The following CHID1 variants were observed in gnomAD, a reference collection of about 807,000 sequenced individuals.
The protein encoded by CHID1 is chitinase domain-containing protein 1.
CHID1 carries 44 observed loss-of-function variants against 55.4 expected under a neutral mutation model. The observed-to-expected ratio is 0.79, with a 90% confidence interval of 0.62 to 1.02. The LOEUF (loss-of-function observed/expected upper bound fraction) is 1.02. Ranked by LOEUF, CHID1 falls within the 50% of genes least tolerant of loss-of-function variation. The pLI, the probability that CHID1 is intolerant of heterozygous loss-of-function variation, is 0.00. For missense variants in CHID1, 491 were observed against 515.3 expected (o/e 0.95, Z 0.46); for synonymous variants, 216 against 212.9 (o/e 1.01, Z -0.13).
chr11:868,518 G>C lies in CHID1; in HGVS notation c.*1340C>G, dbSNP rs950848969. 1.6e-4 allele frequency: 25 copies of C among 152,142 alleles called. No homozygotes were observed. Among genetic ancestry groups the C allele is most frequent in the African/African-American group, 6.0e-4 (25 of 41,412 alleles). 9.4% of individuals were successfully genotyped at this position (152,142 alleles called of 1,614,324 possible). On this transcript the variant is annotated 3_prime_UTR_variant, in exon 13 of 13. Coordinates refer to ENST00000323578, the MANE Select transcript of CHID1 (RefSeq NM_023947.4). ...GCATGAACCGCCGCACACACCACTT[G>C]TATCTCCTATGCCCGTGTCAAGCAG...
rs1057234424 is a variant in CHID1 at position 902,214 on chromosome 11, G to A, written c.378C>T (p.Leu126=). Residue 126 remains leucine (L), a synonymous_variant, in exon 4 of 13, where the codon CTC becomes CTT. Coordinates refer to ENST00000323578, the MANE Select transcript of CHID1 (RefSeq NM_023947.4). ...GATGAGAACCTTGGTCCACGTCGTG[G>A]AGGCCCGTGACCTCAAACATCTCAC... ...RGREMFEVTG[L]HDVDQGWMRA... 1 of 1,613,788 alleles carries A rather than the reference G, an allele frequency of 6.2e-7. No homozygotes were observed. The highest frequency in any genetic ancestry group is 1.3e-5 in the African/African-American group (1 of 74,892).
In CHID1 at chr11:904,706, C is replaced by A; in HGVS notation, c.111G>T (p.Lys37Asn). 1 of 1,614,112 alleles carries A rather than the reference C, an allele frequency of 6.2e-7. No homozygotes were observed. The highest frequency in any genetic ancestry group is 1.1e-5 in the South Asian group (1 of 91,084). ...KKAASKTLLEKSQFSDKPVQD... is the reference protein window; with the variant it reads ...KKAASKTLLENSQFSDKPVQD... ...CCTCAAGTCCCCAGGCCACCCTTAC[C>A]TTCTCCAGCAGCGTCTTTGAGGCGG... The change falls in exon 2 of 13, where the codon AAG becomes AAT. Residue 37 changes from lysine to asparagine, a missense_variant and splice_region_variant. Transcript: ENST00000323578.
Position 883,289 on chromosome 11 carries a change from G to T in CHID1, c.818C>A (p.Ala273Glu), listed in dbSNP as rs752907443. The change falls in exon 10 of 13, where the codon GCA becomes GAA. Residue 273 changes from alanine to glutamate, a missense_variant. Coordinates refer to ENST00000323578, the MANE Select transcript of CHID1 (RefSeq NM_023947.4). Reference protein sequence around the residue: ...YSTAHQPGPNAPLSWVRACVQ... With the variant: ...YSTAHQPGPNEPLSWVRACVQ... ...GCAGGCTCGAACCCAGGACAGGGGT[G>T]CATTAGGGCCAGGCCTGCAGGGCAA... The T allele has an allele frequency of 2.5e-6, 4 of 1,613,180 alleles. No individual in the cohort carries two copies. Among genetic ancestry groups the T allele is most frequent in the Non-Finnish European group, 3.4e-6 (4 of 1,179,438 alleles).
At chr11:906,991 G>A (rs1852274497) in intron 1 of CHID1, among the ~76,000 whole-genome samples, 1 of 152,164 alleles carries the variant, frequency 6.6e-6, no homozygotes, top group Admixed American at 6.5e-5. Flanking sequence ...TCGCGCAATT[G>A]CACTCCAGCC....
At chr11:908,853 C>T (rs1244880688) in intron 1 of CHID1, among the ~76,000 whole-genome samples, 1 of 152,216 alleles carries the variant, frequency 6.6e-6, no homozygotes, top group Admixed American at 6.5e-5. Flanking sequence ...TCCCTGCCCC[C>T]CAACCTGTGA....
At position 902,149 on chromosome 11, in the gene CHID1, C is replaced by T; in HGVS notation, c.394+49G>A. 3.7e-6 allele frequency: 6 copies of T among 1,608,062 alleles called. No individual in the cohort carries two copies. In the East Asian group the frequency reaches 1.1e-4, roughly 30 times the overall value. On this transcript the variant is annotated intron_variant, in intron 4 of 12. Coordinates refer to ENST00000323578, the MANE Select transcript of CHID1 (RefSeq NM_023947.4). ...ACACACCCCTGCTCTCGCACTCACACTCTTTTCAGCCTGTGGGGCAAGCAC... is the reference window on the plus strand; with the variant it reads ...ACACACCCCTGCTCTCGCACTCACATTCTTTTCAGCCTGTGGGGCAAGCAC...
intron 7 of CHID1, among the ~76,000 whole-genome samples, chr11:897,272 G>C (rs1037925943): frequency 6.6e-6 from 1 of 151,922 alleles, no homozygotes; most frequent in East Asian, 1.9e-4. Context: ...ACACGAGGCT[G>C]TCTCAGCACC....
At position 869,372 on chromosome 11, in the gene CHID1, G is replaced by C; in HGVS notation, c.*486C>G. 1 of 171,126 alleles carries C rather than the reference G, an allele frequency of 5.8e-6. No individual in the cohort carries two copies. The highest frequency in any genetic ancestry group is 1.3e-5 in the Non-Finnish European group (1 of 79,708). The allele number at this position is 171,126 out of a possible 1,614,324, so 10.6% of individuals were successfully genotyped here. On this transcript the variant is annotated 3_prime_UTR_variant, in exon 13 of 13. Coordinates refer to ENST00000323578, the MANE Select transcript of CHID1 (RefSeq NM_023947.4). ...TGCAGGTGACACACGTGCTGTGGCTGGCCAGGTGGGTGGCAGGTATGTGGG... is the reference window on the plus strand; with the variant it reads ...TGCAGGTGACACACGTGCTGTGGCTCGCCAGGTGGGTGGCAGGTATGTGGG...
intron 7 of CHID1, among the ~76,000 whole-genome samples, chr11:894,877 G>A (rs1055243380): frequency 2.0e-5 from 3 of 152,210 alleles, no homozygotes; most frequent in African/African-American, 7.2e-5. Flanking sequence ...TGGCCCAAGT[G>A]GGACTGTCAT....
rs143837907 is a variant in CHID1, at chr11:884,165, C to T, written c.706G>A (p.Asp236Asn). Residue 236 changes from aspartate (D) to asparagine (N), a missense_variant, in exon 9 of 13, where the codon GAC becomes AAC. By Grantham distance (23) the Asp-to-Asn change is conservative (BLOSUM62 1). Coordinates refer to ENST00000323578, the MANE Select transcript of CHID1 (RefSeq NM_023947.4). Reference protein sequence around the residue: ...VIPPAITPGTDQLGMFTHKEF... With the variant: ...VIPPAITPGTNQLGMFTHKEF... The stretch of plus-strand genomic sequence containing the variant: ...TTGTGCGTGAACATGCCCAGCTGGT[C>T]GGTCCTGTAACAGACAGGTGCAGCC... 1.4e-5 allele frequency: 23 copies of T among 1,613,792 alleles called. No individual in the cohort carries two copies. Among genetic ancestry groups the T allele is most frequent in the African/African-American group, 8.0e-5 (6 of 75,048 alleles).
At chr11:882,820 G>C (rs1024804509) in intron 10 of CHID1, among the ~76,000 whole-genome samples, 8 of 152,250 alleles carry the variant, frequency 5.3e-5, no homozygotes, top group African/African-American at 1.9e-4. Flanking sequence ...GAGGAGAGGA[G>C]GAGGAGCATT....
Position 900,931 on chromosome 11 carries a change from C to T in CHID1, c.439+5G>A. ...GGGCCTCCACTCCTGGCCTGCCGCA[C>T]TTACCTATGTGCAGGCCCTTGGCAT... On this transcript the variant is annotated splice_donor_5th_base_variant and intron_variant, in intron 5 of 12. Coordinates refer to ENST00000323578, the MANE Select transcript of CHID1 (RefSeq NM_023947.4). 6.2e-7 allele frequency: 1 copy of T among 1,601,344 alleles called. No individual in the cohort carries two copies. Among genetic ancestry groups the T allele is most frequent in the Non-Finnish European group, 8.5e-7 (1 of 1,174,832 alleles).
At chr11:895,574 C>T (rs1417361953) in intron 7 of CHID1, among the ~76,000 whole-genome samples, 3 of 152,146 alleles carry the variant, frequency 2.0e-5, no homozygotes, top group African/African-American at 7.2e-5. Flanking sequence ...TCTGGGCATG[C>T]GGACAACTGT....
chr11:877,026 C>A (rs1849565489), intron 10 of CHID1, among the ~76,000 whole-genome samples: 1 of 152,234 alleles, frequency 6.6e-6, no homozygotes, highest in Middle Eastern at 3.4e-3. Context: ...AAGGGCACTT[C>A]GGGTGGGCGA....
Position 902,255 on chromosome 11 carries a change from G to C in CHID1, c.337C>G (p.Leu113Val). ...AACATCTCACGGCCACGTCTCTTCA[G>C]CTGCAGCCAGACGGGTGAGATCTGT... ...FTQISPVWLQ[L>V]KRRGREMFEV... Residue 113 changes from leucine (L) to valine (V), a missense_variant, in exon 4 of 13, where the codon CTG (leucine) becomes GTG (valine). By Grantham distance (32) the Leu-to-Val change is conservative. Transcript: ENST00000323578. The C allele has an allele frequency of 1.2e-6, 2 of 1,614,040 alleles. No homozygotes were observed. Among genetic ancestry groups the C allele is most frequent in the Non-Finnish European group, 1.7e-6 (2 of 1,180,010 alleles).
rs1413344265 is a variant in CHID1 at position 884,150 on chromosome 11, AC to A, written c.720del (p.Met240IlefsTer20). On this transcript the variant is annotated frameshift_variant, in exon 9 of 13. Transcript: ENST00000323578. LOFTEE classifies it high-confidence loss of function. ...AITPGTDQLGMFTHKEFEQLA... is the reference protein window; with the variant it reads ...AITPGTDQLGXFTHKEFEQLA... ...AGCTGCTCAAACTCCTTGTGCGTGA[AC>A]ATGCCCAGCTGGTCGGTCCTGTAAC... 1.2e-6 allele frequency: 2 copies of A among 1,614,112 alleles called. No individual in the cohort carries two copies. Among genetic ancestry groups the A allele is most frequent in the South Asian group, 2.2e-5 (2 of 91,082 alleles).
chr11:889,926 G>A (rs1042241121), intron 8 of CHID1, among the ~76,000 whole-genome samples: 3 of 151,958 alleles, frequency 2.0e-5, no homozygotes, highest in East Asian at 1.9e-4. Flanking sequence ...TTCTGAACCC[G>A]CTCCCCATGG....
intron 10 of CHID1, among the ~76,000 whole-genome samples, chr11:882,003 CAAAAAAA>C (rs773102032): frequency 1.3e-4 from 7 of 55,388 alleles, no homozygotes; most frequent in African/African-American, 4.4e-4. Flanking sequence ...GACCCTGTCT[CAAAAAAA>C]AAAAAAAAAA....
At chr11:883,926 G>C (rs1177325741) in intron 9 of CHID1, 142 bp downstream of exon 9, 1 of 674,478 alleles carries the variant, frequency 1.5e-6, no homozygotes, top group African/African-American at 1.8e-5. Context: ...CCCTCAGGTG[G>C]GTGTCCAGAC....
Sources: allele counts gnomAD v4.1 joint callset (sites outside exome capture counted in the v4.1 genomes callset), GRCh38; gene constraint gnomAD v4.1.1; transcripts MANE v1.5; gene names NCBI Gene and HGNC (gene_info 2026-07-23, HGNC 2026-07-21).